PTGIR: variants seen among roughly 807,000 people sequenced by gnomAD.
PTGIR encodes the protein prostacyclin receptor.
Under a neutral mutation model 17.6 loss-of-function variants are expected in PTGIR, and 16 were observed. That is an observed-to-expected ratio of 0.91 (90% CI 0.61 to 1.38). PTGIR has a LOEUF of 1.38. Among genes scored for constraint, PTGIR ranks in the 40% most tolerant of loss-of-function variants. The pLI, the probability that PTGIR is intolerant of heterozygous loss-of-function variation, is 0.00. For synonymous variants in PTGIR, 274 were observed against 255.4 expected (o/e 1.07, Z -0.69); for missense variants, 532 against 548.6 (o/e 0.97, Z 0.30).
chr19:46,616,776 A>G (rs11083841), downstream of PTGIR, among the ~76,000 whole-genome samples: 38,115 of 152,110 alleles, frequency 0.25, 5,600 homozygotes, highest in African/African-American at 0.4. Flanking sequence ...CTCCCCCACC[A>G]AACTGAGCTA....
At position 46,621,251 on chromosome 19, in the gene PTGIR, G is replaced by A. The variant is rs200293051; in HGVS notation, c.*29C>T. 1.5e-5 allele frequency: 23 copies of A among 1,490,016 alleles called. No homozygotes were observed. In the South Asian group the frequency reaches 2.8e-4, roughly 18 times the overall value. The allele number at this position is 1,490,016 out of a possible 1,614,324, so 92.3% of individuals were successfully genotyped here. A position where few individuals can be genotyped will look rare whatever the true frequency, so the allele number is the denominator to read the frequency against. ...TCTGGCTCCTGTCGCCCGAAGACAG[G>A]GCAGAGATCACAGGGTCAGCTTGAA... On this transcript the variant is annotated 3_prime_UTR_variant, in exon 3 of 3. Coordinates refer to ENST00000291294, the MANE Select transcript of PTGIR (RefSeq NM_000960.4). The surrounding 1 kb of genome is among the most constrained non-coding windows in gnomAD (Gnocchi z 4.8).
chr19:46,613,579 G>A, the PTGIR span, among the ~76,000 whole-genome samples: 28 of 152,160 alleles, frequency 1.8e-4, no homozygotes, highest in Non-Finnish European at 7.4e-5. Context: ...CAGTCCGCCC[G>A]CCTCGGCCTC....
Position 46,620,901 on chromosome 19 carries a change from C to G in PTGIR, c.*379G>C. The G allele has an allele frequency of 6.0e-6, 6 of 998,808 alleles. No homozygotes were observed. Among genetic ancestry groups the G allele is most frequent in the Non-Finnish European group, 7.2e-6 (6 of 839,080 alleles). 61.9% of individuals were successfully genotyped at this position (998,808 alleles called of 1,614,324 possible). On this transcript the variant is annotated 3_prime_UTR_variant, in exon 3 of 3. Coordinates refer to ENST00000291294, the MANE Select transcript of PTGIR (RefSeq NM_000960.4). ...TGGGGACTTGGGGTGGGCAGTTGGG[C>G]CTCCTAAGTGGACGCAGATTGGAGC...
chr19:46,614,416 C>G, the PTGIR span: 1 of 985,266 alleles, frequency 1.0e-6, no homozygotes, highest in Non-Finnish European at 1.2e-6. Flanking sequence ...AGGCCGGGTG[C>G]TAGGGAGATG....
chr19:46,619,497 AAAAGAAAGAAAGAAAGAAAGAAAG>A (rs1176986063), downstream of PTGIR, among the ~76,000 whole-genome samples: 3 of 110,566 alleles, frequency 2.7e-5, no homozygotes, highest in Middle Eastern at 4.0e-3. Context: ...TCTGTCTCAA[AAAAGAAAGAAAGAAAGAAAGAAAG>A]AAAGAAAGAA....
In PTGIR at chr19:46,624,211, G is replaced by A. The variant is rs2052774433; in HGVS notation, c.15C>T (p.Cys5=). The change falls in exon 2 of 3, where the codon TGC becomes TGT. Residue 5 remains cysteine, a synonymous_variant. Transcript: ENST00000291294. The part of the protein sequence containing the change: MADS[C]RNLTYVRGSV... ...AGCCCCGCACGTAGGTGAGGTTCCT[G>A]CACGAATCCGCCATCCCAGGTCTGG... 1.4e-6 allele frequency: 2 copies of A among 1,449,716 alleles called. No individual in the cohort carries two copies. The highest frequency in any genetic ancestry group is 1.5e-5 in the African/African-American group (1 of 68,602). The allele number at this position is 1,449,716 out of a possible 1,614,324, so 89.8% of individuals were successfully genotyped here. A position where few individuals can be genotyped will look rare whatever the true frequency, so the allele number is the denominator to read the frequency against.
At chr19:46,615,421 C>T in the PTGIR span, among the ~76,000 whole-genome samples, 2 of 152,278 alleles carry the variant, frequency 1.3e-5, no homozygotes, top group South Asian at 4.1e-4. Flanking sequence ...CCCTAGGATA[C>T]CGAGGGATGA....
the PTGIR span, among the ~76,000 whole-genome samples, chr19:46,614,947 A>G: frequency 6.6e-6 from 1 of 152,134 alleles, no homozygotes; most frequent in Non-Finnish European, 1.5e-5. Context: ...GTTTGAACCC[A>G]GGGGGCAGAG....
chr19:46,623,635 A>G lies in PTGIR; in HGVS notation c.591T>C (p.Ala197=). 6.5e-7 allele frequency: 1 copy of G among 1,549,188 alleles called. No individual in the cohort carries two copies. The highest frequency in any genetic ancestry group is 8.7e-7 in the Non-Finnish European group (1 of 1,148,024). Residue 197 remains alanine, a synonymous_variant, in exon 2 of 3, where the codon GCT becomes GCC. Coordinates refer to ENST00000291294, the MANE Select transcript of PTGIR (RefSeq NM_000960.4). The part of the protein sequence containing the change: ...AYAGLVALLV[A]AIFLCNGSVT... ...CCGAGCCGTTGCAGAGGAAGATGGC[A>G]GCCACCAGCAGGGCCACCAGGCCGG...
chr19:46,623,792 G>C lies in PTGIR; in HGVS notation c.434C>G (p.Ala145Gly). Residue 145 changes from alanine (A) to glycine (G), a missense_variant, in exon 2 of 3, where the codon GCC becomes GGC. Transcript: ENST00000291294. ...CAGCGCGCAGAAGAGGACGCAGAAG[G>C]CGTAGATGGCTGGCAGCGCCAGGCG... is the stretch of plus-strand genomic sequence containing the variant. ...CARLALPAIYAFCVLFCALPL... is the reference protein window; with the variant it reads ...CARLALPAIYGFCVLFCALPL... The C allele has an allele frequency of 6.2e-7, 1 of 1,608,062 alleles. No homozygotes were observed. Among genetic ancestry groups the C allele is most frequent in the Non-Finnish European group, 8.5e-7 (1 of 1,178,532 alleles).
chr19:46,622,417 G>C, intron 2 of PTGIR: 1 of 983,894 alleles, frequency 1.0e-6, no homozygotes, highest in Non-Finnish European at 1.2e-6. Flanking sequence ...CGTTCTCTTG[G>C]TTTCCTGCCA....
the PTGIR span, among the ~76,000 whole-genome samples, chr19:46,612,921 C>T: frequency 4.0e-5 from 6 of 151,148 alleles, no homozygotes; most frequent in Admixed American, 3.3e-4. Flanking sequence ...CTTGGAGCAG[C>T]GATTTAACTT....
the PTGIR span, among the ~76,000 whole-genome samples, chr19:46,613,355 C>A: frequency 7.9e-6 from 1 of 126,550 alleles, no homozygotes; most frequent in South Asian, 2.6e-4. Flanking sequence ...CCTACCCCCC[C>A]ATGCCCCCCC....
chr19:46,614,260 G>A, the PTGIR span: 2 of 580,610 alleles, frequency 3.4e-6, no homozygotes, highest in African/African-American at 4.1e-5. Flanking sequence ...CCCAGAGGGT[G>A]GCTCTGGGGC....
In PTGIR at chr19:46,623,783, A is replaced by T. The variant is rs1325064960; in HGVS notation, c.443T>A (p.Val148Asp). 13 of 1,606,628 alleles carry T rather than the reference A, an allele frequency of 8.1e-6. No individual in the cohort carries two copies. The highest frequency in any genetic ancestry group is 1.0e-5 in the Non-Finnish European group (12 of 1,178,226). Residue 148 changes from valine (V) to aspartate (D), a missense_variant, in exon 2 of 3, where the codon GTC becomes GAC. Transcript: ENST00000291294. ...LALPAIYAFC[V>D]LFCALPLLGL... Reference sequence around the variant, plus strand: ...CAGCAGGGGCAGCGCGCAGAAGAGGACGCAGAAGGCGTAGATGGCTGGCAG... The same window carrying T: ...CAGCAGGGGCAGCGCGCAGAAGAGGTCGCAGAAGGCGTAGATGGCTGGCAG...
At chr19:46,615,546 C>T (rs1179588065), downstream of PTGIR, among the ~76,000 whole-genome samples, 1 of 152,188 alleles carries the variant, frequency 6.6e-6, no homozygotes, top group Non-Finnish European at 1.5e-5. Flanking sequence ...CACTCTGTCA[C>T]CCAGGCTGGA....
At chr19:46,612,001 T>C in the PTGIR span, among the ~76,000 whole-genome samples, 2 of 152,200 alleles carry the variant, frequency 1.3e-5, no homozygotes. Context: ...AGATCAGGCC[T>C]CGGCTGGGTT....
chr19:46,611,501 G>A, the PTGIR span, among the ~76,000 whole-genome samples: 1 of 152,360 alleles, frequency 6.6e-6, no homozygotes, highest in South Asian at 2.1e-4. Context: ...GAAACAAAAA[G>A]CCCAAAACAA....
chr19:46,617,197 G>A (rs1337037913), downstream of PTGIR, among the ~76,000 whole-genome samples: 4 of 152,338 alleles, frequency 2.6e-5, no homozygotes, highest in Admixed American at 2.6e-4. Flanking sequence ...CTGGCCAGGA[G>A]CCTCCAGGTG....
Sources: gnomAD v4.1 joint callset for allele counts (sites outside exome capture counted in the v4.1 genomes callset) on GRCh38, gnomAD v4.1.1 for gene constraint, Gnocchi (gnomAD v3.1) non-coding constraint, MANE v1.5 for transcripts, NCBI Gene and HGNC (gene_info 2026-07-23, HGNC 2026-07-21) for gene names.